The following EYA2 variants were observed in gnomAD, a reference collection of about 807,000 sequenced individuals.
The protein encoded by EYA2 is EYA transcriptional coactivator and phosphatase 2, also known as protein phosphatase EYA2.
Under a neutral mutation model 69.2 loss-of-function variants are expected in EYA2, and 31 were observed. The observed-to-expected ratio is 0.45, with a 90% CI of 0.34 to 0.60. The LOEUF is 0.60. Among genes scored for constraint, EYA2 ranks in the 20% least tolerant of loss-of-function variants. EYA2 has a pLI of 0.02. For missense variants in EYA2, 622 were observed against 701.2 expected (o/e 0.89, Z 1.28); for synonymous variants, 257 against 279.4 (o/e 0.92, Z 0.80).
intron 5 of EYA2, among the ~76,000 whole-genome samples, chr20:47,062,988 CA>C (rs1317724395): frequency 6.6e-6 from 1 of 152,128 alleles, no homozygotes; most frequent in Non-Finnish European, 1.5e-5. Context: ...CTTTTGCTGC[CA>C]AAGCCTGGGA....
At position 47,172,823 on chromosome 20, in the gene EYA2, G is replaced by A. The variant is rs776900085; in HGVS notation, c.1154G>A (p.Arg385Gln). ...DWMRKLAFRY[R>Q]RVKEMYNTYK... ...ATGAGGAAGCTGGCCTTCCGCTACC[G>A]GCGGGTGAAGGAGATGTACAATACC... Residue 385 changes from arginine to glutamine, a missense_variant, in exon 12 of 16, where the codon CGG becomes CAG. By Grantham distance (43) the Arg-to-Gln change is conservative. Around this residue, in one of 2 missense-constraint regions of EYA2, gnomAD observed 257 missense variants for 351.5 expected, o/e 0.73. Transcript: ENST00000327619. 9 of 1,614,008 alleles carry A rather than the reference G, an allele frequency of 5.6e-6. No individual in the cohort carries two copies. Among genetic ancestry groups the A allele is most frequent in the African/African-American group, 1.3e-5 (1 of 75,060 alleles).
intron 9 of EYA2, among the ~76,000 whole-genome samples, chr20:47,114,895 C>G (rs1312915219): frequency 6.6e-6 from 1 of 152,170 alleles, no homozygotes; most frequent in East Asian, 1.9e-4. Context: ...GGTGAAGTAC[C>G]TGCTCCCACT....
chr20:47,097,428 CTTG>C (rs1236160191), intron 9 of EYA2, among the ~76,000 whole-genome samples: 1 of 152,224 alleles, frequency 6.6e-6, no homozygotes. Context: ...AGGAAATACA[CTTG>C]TTGTCTTCAG....
intron 14 of EYA2, 98 bp from the exon 15 acceptor site, chr20:47,183,193 G>T: frequency 2.8e-6 from 3 of 1,090,132 alleles, no homozygotes; most frequent in South Asian, 1.4e-5. Context: ...GGGCCTTTGG[G>T]AGCACAGCTG....
chr20:47,007,793 T>G (rs7509185), intron 4 of EYA2, among the ~76,000 whole-genome samples: 1 of 151,828 alleles, frequency 6.6e-6, no homozygotes, highest in Non-Finnish European at 1.5e-5. Context: ...TTTTTTTTTA[T>G]TTTTTTGTAG....
intron 9 of EYA2, among the ~76,000 whole-genome samples, chr20:47,115,769 C>T (rs1007999428): frequency 2.0e-5 from 3 of 152,200 alleles, no homozygotes; most frequent in African/African-American, 7.2e-5. Flanking sequence ...CATCCTCACC[C>T]GGTGGAGAAC....
chr20:47,174,932 T>C (rs1265694840), intron 12 of EYA2, among the ~76,000 whole-genome samples: 1 of 152,110 alleles, frequency 6.6e-6, no homozygotes, highest in African/African-American at 2.4e-5. Context: ...CAAGCTCTGG[T>C]CAGGTCCCAG....
At position 46,924,669 on chromosome 20, in the gene EYA2, C is replaced by CAAAA. The variant is rs10568771; in HGVS notation, c.-11+29703_-11+29706dup. On this transcript the variant is annotated intron_variant, in intron 1 of 15. Coordinates refer to ENST00000327619, the MANE Select transcript of EYA2 (RefSeq NM_005244.5). ...TGGCCAATAGAGCGAGACTCCATCT[C>CAAAA]AAAAAAAAAAAAAAAAAAAAAAAAG... is the stretch of plus-strand genomic sequence containing the variant. 9.5e-3 allele frequency among the ~76,000 whole-genome samples: 838 copies of CAAAA among 88,194 alleles called. 60 individuals are homozygous for CAAAA. Among genetic ancestry groups the CAAAA allele is most frequent in the African/African-American group, 0.037 (637 of 17,156 alleles). The allele number at this position is 88,194 out of a possible 152,430, so 57.9% of individuals were successfully genotyped here. A position where few individuals can be genotyped will look rare whatever the true frequency, so the allele number is the denominator to read the frequency against.
intron 1 of EYA2, among the ~76,000 whole-genome samples, chr20:46,948,663 A>G (rs552007872): frequency 7.9e-5 from 12 of 152,302 alleles, no homozygotes; most frequent in African/African-American, 2.9e-4. Flanking sequence ...TGCATACGTT[A>G]TTGTGTTTCT....
At chr20:47,074,448 A>G (rs1178470109) in intron 7 of EYA2, 113 bp downstream of exon 7, 1 of 1,161,478 alleles carries the variant, frequency 8.6e-7, no homozygotes, top group Non-Finnish European at 1.2e-6. Context: ...AGGGTCATTC[A>G]TGGATGTGGC....
At chr20:47,155,305 G>A (rs962114236) in intron 10 of EYA2, among the ~76,000 whole-genome samples, 1 of 152,008 alleles carries the variant, frequency 6.6e-6, no homozygotes. Context: ...CCCGCTGAGG[G>A]GATGAATCGC....
chr20:46,984,765 A>G (rs996083589), intron 1 of EYA2, among the ~76,000 whole-genome samples: 5 of 152,200 alleles, frequency 3.3e-5, no homozygotes, highest in Non-Finnish European at 7.3e-5. Flanking sequence ...GTGTGTATAC[A>G]TATATATAGG....
chr20:46,929,106 G>A (rs1015316702), intron 1 of EYA2, among the ~76,000 whole-genome samples: 1 of 151,080 alleles, frequency 6.6e-6, no homozygotes, highest in Non-Finnish European at 1.5e-5. Flanking sequence ...GAACGGTGGG[G>A]TGGGAGAGCC....
chr20:46,994,894 A>T, intron 2 of EYA2, among the ~76,000 whole-genome samples: 1 of 118,468 alleles, frequency 8.4e-6, no homozygotes, highest in South Asian at 3.1e-4. Flanking sequence ...GCCACTTGGT[A>T]CTAATTTGTT....
At chr20:47,034,083 A>G (rs1984563997) in intron 5 of EYA2, among the ~76,000 whole-genome samples, 1 of 152,228 alleles carries the variant, frequency 6.6e-6, no homozygotes, top group Admixed American at 6.5e-5. Flanking sequence ...ATGTGTCTCT[A>G]ATCCCTGCAA....
chr20:47,047,076 A>AT (rs1568743911), intron 5 of EYA2, among the ~76,000 whole-genome samples: 1 of 151,948 alleles, frequency 6.6e-6, no homozygotes. Context: ...TCAAAGAATG[A>AT]TTTTTTTTCT....
At chr20:47,173,537 C>T (rs2034372055) in intron 12 of EYA2, among the ~76,000 whole-genome samples, 1 of 94,734 alleles carries the variant, frequency 1.1e-5, no homozygotes, top group Admixed American at 9.6e-5. Flanking sequence ...AAAAAACGTG[C>T]AGGGTCTCAG....
chr20:47,180,700 C>A (rs2034521418), intron 13 of EYA2, 115 bp from the exon 14 acceptor site: 1 of 1,309,324 alleles, frequency 7.6e-7, no homozygotes, highest in Non-Finnish European at 1.1e-6. Context: ...CTGAAGATGA[C>A]AGCCATAGCC....
chr20:47,103,498 G>C (rs1480651225), intron 9 of EYA2, among the ~76,000 whole-genome samples: 1 of 152,356 alleles, frequency 6.6e-6, no homozygotes, highest in East Asian at 1.9e-4. Flanking sequence ...AAGGAAATAG[G>C]TTAAATCATC....
Sources: gnomAD v4.1 joint callset for allele counts (sites outside exome capture counted in the v4.1 genomes callset) on GRCh38, gnomAD v4.1.1 for gene constraint, gnomAD v4.1.1 regional missense constraint, MANE v1.5 for transcripts, NCBI Gene and HGNC (gene_info 2026-07-23, HGNC 2026-07-21) for gene names.